Variants in RUBCN observed in about 807,000 individuals in gnomAD.
RUBCN encodes the protein rubicon autophagy regulator, also known as run domain Beclin-1-interacting and cysteine-rich domain-containing protein.
RUBCN carries 74 observed loss-of-function variants against 113.2 expected under a neutral mutation model. The ratio of observed to expected loss-of-function variants is 0.65; its 90% CI spans 0.54 to 0.79. The LOEUF is 0.79. RUBCN is among the 30% of genes least tolerant of loss of function. The pLI is 0.00. For synonymous variants in RUBCN, 480 were observed against 490.0 expected, an observed-to-expected ratio of 0.98 and a Z score of 0.27; for missense variants, 1,109 against 1,251.7, an observed-to-expected ratio of 0.89 and a Z score of 1.72.
intron 1 of RUBCN, chr3:197,747,968 G>A (rs550707744): frequency 6.7e-6 from 1 of 149,996 alleles, no homozygotes; most frequent in South Asian, 2.1e-4. Flanking sequence ...GTCTTGCTGT[G>A]TCACCCAGGC....
chr3:197,748,046 C>T (rs996350784), intron 1 of RUBCN: 4 of 152,118 alleles, frequency 2.6e-5, no homozygotes, highest in Admixed American at 2.0e-4. Context: ...ATTCTCCTGC[C>T]TCAGCCTCCC....
At chr3:197,718,224 C>A in intron 1 of RUBCN, 94 bp from the exon 2 acceptor site, 1 of 1,359,430 alleles carries the variant, frequency 7.4e-7, no homozygotes. Flanking sequence ...AGCCTCCTGC[C>A]CCACATCCTA....
intron 9 of RUBCN, 65 bp downstream of exon 9, chr3:197,695,800 GC>G: frequency 2.9e-6 from 4 of 1,384,878 alleles, no homozygotes; most frequent in African/African-American, 1.4e-5. Context: ...AGAACAAATG[GC>G]ACCACAGACC....
intron 11 of RUBCN, among the ~76,000 whole-genome samples, chr3:197,685,933 G>A (rs184492580): frequency 1.6e-4 from 25 of 152,266 alleles, no homozygotes; most frequent in Admixed American, 1.6e-3. Flanking sequence ...CCTAAGTCTT[G>A]CCTTGAGCTA....
At chr3:197,700,311 C>T (rs1723498954) in intron 7 of RUBCN, 1 of 511,780 alleles carries the variant, frequency 2.0e-6, no homozygotes, top group Non-Finnish European at 3.4e-6. Flanking sequence ...AATACTTTCC[C>T]CAATCCAAGA....
At chr3:197,713,138 C>A (rs562081997) in intron 2 of RUBCN, among the ~76,000 whole-genome samples, 3 of 152,334 alleles carry the variant, frequency 2.0e-5, no homozygotes, top group South Asian at 4.1e-4. Context: ...GGATTACAGG[C>A]ATGAGCCACT....
intron 1 of RUBCN, among the ~76,000 whole-genome samples, chr3:197,718,695 T>C (rs1240218306): frequency 6.6e-6 from 1 of 152,116 alleles, no homozygotes; most frequent in Non-Finnish European, 1.5e-5. Context: ...CACCTCGGCC[T>C]CCCAGAGAGC....
At chr3:197,749,454 G>A (rs1184833413) in exon 1 of RUBCN, 1 of 1,263,826 alleles carries the variant, frequency 7.9e-7, no homozygotes, top group Non-Finnish European at 1.0e-6. Context: ...CGCAGCTGTA[G>A]GTGGAGGAGC....
upstream of RUBCN, among the ~76,000 whole-genome samples, chr3:197,740,604 T>C (rs1341986469): frequency 6.6e-6 from 1 of 152,152 alleles, no homozygotes; most frequent in Non-Finnish European, 1.5e-5. Flanking sequence ...TGTTAAGGAA[T>C]ATCCCTAGAA....
rs367708706 is a variant in RUBCN at position 197,683,328 on chromosome 3, C to T, written c.1959G>A (p.Pro653=). Reference sequence around the variant, plus strand: ...CTACCTTCTGAGGGGCATCATGCTCCGGGACAAGCCACTCCAGCTCCGAGG... The same window carrying T: ...CTACCTTCTGAGGGGCATCATGCTCTGGGACAAGCCACTCCAGCTCCGAGG... ...PAASELEWLV[P]EHDAPQKLLP... The change falls in exon 13 of 20, where the codon CCG becomes CCA. Residue 653 remains proline, a synonymous_variant. Coordinates refer to ENST00000296343, the MANE Select transcript of RUBCN (RefSeq NM_014687.4). This position sits in a 1 kb window ranked among gnomAD's most constrained non-coding sequence, Gnocchi z 4.6. 1.2e-4 allele frequency: 200 copies of T among 1,613,778 alleles called. 2 individuals are homozygous for T. Among genetic ancestry groups the T allele is most frequent in the Middle Eastern group, 8.4e-4 (5 of 5,982 alleles).
In RUBCN at chr3:197,701,138, ATCT is replaced by A. The variant is rs1723615699; in HGVS notation, c.733_735del (p.Arg245del). ...GGGCCAGAGAGTGGAAAGGAAGTAG[ATCT>A]TCTCTCTAGAATATAAAAGGAAATG... On this transcript the variant is annotated inframe_deletion, in exon 7 of 20. Transcript: ENST00000296343. The A allele has an allele frequency of 6.5e-7, 1 of 1,542,662 alleles. No homozygotes were observed. The highest frequency in any genetic ancestry group is 8.7e-7 in the Non-Finnish European group (1 of 1,146,998).
Position 197,677,055 on chromosome 3 carries a change from G to A in RUBCN, c.2493-17C>T. The A allele has an allele frequency of 6.2e-7, 1 of 1,611,492 alleles. No homozygotes were observed. The highest frequency in any genetic ancestry group is 8.5e-7 in the Non-Finnish European group (1 of 1,178,812). ...TCCAGAAGCCTACAGGGAGTGACAG[G>A]AGGCAGGTGAGGGAATGAACAGTGC... On this transcript the variant is annotated splice_polypyrimidine_tract_variant and intron_variant, in intron 17 of 19. Coordinates refer to ENST00000296343, the MANE Select transcript of RUBCN (RefSeq NM_014687.4).
intron 7 of RUBCN, among the ~76,000 whole-genome samples, chr3:197,698,359 C>A (rs780465861): frequency 1.3e-5 from 2 of 152,252 alleles, no homozygotes; most frequent in East Asian, 1.9e-4. Context: ...TCTCAATACT[C>A]TGCCTTGCAG....
In RUBCN at chr3:197,674,848, G is replaced by GACAAT; in HGVS notation, c.*169_*170insATTGT. 1.7e-6 allele frequency: 1 copy of GACAAT among 593,616 alleles called. No homozygotes were observed. Among genetic ancestry groups the GACAAT allele is most frequent in the Non-Finnish European group, 2.8e-6 (1 of 354,426 alleles). The allele number at this position is 593,616 out of a possible 1,614,324, so 36.8% of individuals were successfully genotyped here. On this transcript the variant is annotated 3_prime_UTR_variant, in exon 20 of 20. Transcript: ENST00000296343. ...ACTCTGGACCCATCAACCTGCCGAC[G>GACAAT]GCTGACTGCACACAGACGTCAGACA...
rs977160904 is a variant in RUBCN at position 197,716,258 on chromosome 3, G to C, written c.219+1719C>G. The stretch of plus-strand genomic sequence containing the variant: ...TTCTCCTGCCTCAGCCACCTGAGTA[G>C]CTGGGATTACAGGTGCGCGCCACCA... On this transcript the variant is annotated intron_variant, in intron 2 of 19. Transcript: ENST00000296343. Among the ~76,000 whole-genome samples, 4 of 152,322 alleles carry C rather than the reference G, an allele frequency of 2.6e-5. No homozygotes were observed. In the South Asian group the frequency reaches 6.2e-4, roughly 24 times the overall value.
At chr3:197,698,560 G>A (rs1195252244) in intron 7 of RUBCN, among the ~76,000 whole-genome samples, 6 of 151,172 alleles carry the variant, frequency 4.0e-5, no homozygotes, top group Non-Finnish European at 7.4e-5. Context: ...CGGAACTGCA[G>A]GAGAGGGAAA....
intron 1 of RUBCN, among the ~76,000 whole-genome samples, chr3:197,719,421 T>C (rs968315103): frequency 3.5e-5 from 5 of 142,032 alleles, no homozygotes; most frequent in African/African-American, 1.3e-4. Flanking sequence ...GAGGTTGCAG[T>C]GAGCTGAGAT....
rs1721480232 is a variant in RUBCN, at chr3:197,683,380, T to G, written c.1907A>C (p.Gln636Pro). 7 of 1,614,170 alleles carry G rather than the reference T, an allele frequency of 4.3e-6. No homozygotes were observed. The highest frequency in any genetic ancestry group is 5.9e-6 in the Non-Finnish European group (7 of 1,180,018). The stretch of plus-strand genomic sequence containing the variant: ...GGCTGGAAGCTGCATCCCCTCAAAC[T>G]GCTTCAGGAGCCCCATGGCCACCGC... ...AEAVAMGLLKQFEGMQLPAAS... is the reference protein window; with the variant it reads ...AEAVAMGLLKPFEGMQLPAAS... The change falls in exon 13 of 20, where the codon CAG becomes CCG. Residue 636 changes from glutamine to proline, a missense_variant. Physicochemically the swap from Gln to Pro is moderately conservative, Grantham distance 76. Transcript: ENST00000296343. The surrounding 1 kb of genome is among the most constrained non-coding windows in gnomAD (Gnocchi z 4.6).
Position 197,681,315 on chromosome 3 carries a change from C to A in RUBCN, c.2244G>T (p.Gln748His), listed in dbSNP as rs1035259930. 2 of 1,614,184 alleles carry A rather than the reference C, an allele frequency of 1.2e-6. No individual in the cohort carries two copies. Among genetic ancestry groups the A allele is most frequent in the Non-Finnish European group, 1.7e-6 (2 of 1,180,024 alleles). Reference sequence around the variant, plus strand: ...CCATCTGGGCATTCTCGTGGCAGCACTGGCAGAAGTACTTGCCCAGGTACT... The same window carrying A: ...CCATCTGGGCATTCTCGTGGCAGCAATGGCAGAAGTACTTGCCCAGGTACT... ...YCEYLGKYFCQCCHENAQMAI... is the reference protein window; with the variant it reads ...YCEYLGKYFCHCCHENAQMAI... The change falls in exon 16 of 20, where the codon CAG becomes CAT. Residue 748 changes from glutamine to histidine, a missense_variant. Physicochemically the swap from Gln to His is conservative, Grantham distance 24. Transcript: ENST00000296343. This position sits in a 1 kb window ranked among gnomAD's most constrained non-coding sequence, Gnocchi z 5.5.
Sources: allele counts gnomAD v4.1 joint callset (sites outside exome capture counted in the v4.1 genomes callset), GRCh38; gene constraint gnomAD v4.1.1; non-coding constraint Gnocchi (gnomAD v3.1); transcripts MANE v1.5; gene names NCBI Gene and HGNC (gene_info 2026-07-23, HGNC 2026-07-21).